FEZ1: variants seen among roughly 807,000 people sequenced by gnomAD.
FEZ1 encodes the protein fasciculation and elongation protein zeta-1.
In FEZ1, 20 loss-of-function variants were observed where a neutral mutation model predicts 49.3. The observed-to-expected ratio is 0.41, with a 90% CI of 0.29 to 0.59. The LOEUF (loss-of-function observed/expected upper bound fraction) is 0.59. Among genes scored for constraint, FEZ1 ranks in the 20% least tolerant of loss-of-function variants. The pLI, the probability that FEZ1 is intolerant of heterozygous loss-of-function variation, is 0.36. For missense variants in FEZ1, 413 were observed against 476.0 expected (o/e 0.87, Z 1.23); for synonymous variants, 170 against 180.9 (o/e 0.94, Z 0.48).
At chr11:125,455,180 C>G (rs969816500) in intron 6 of FEZ1, among the ~76,000 whole-genome samples, 2 of 150,454 alleles carry the variant, frequency 1.3e-5, no homozygotes, top group Non-Finnish European at 1.5e-5. Context: ...CACCTGAGAT[C>G]AGGAGTTTGA....
intron 3 of FEZ1, among the ~76,000 whole-genome samples, chr11:125,466,339 G>A (rs1000552938): frequency 2.6e-5 from 4 of 152,130 alleles, no homozygotes; most frequent in Middle Eastern, 3.4e-3. Context: ...AATTAGTCAG[G>A]CATGATGGCA....
At chr11:125,455,788 G>C in intron 6 of FEZ1, 47 bp downstream of exon 6, 1 of 1,602,954 alleles carries the variant, frequency 6.2e-7, no homozygotes. Flanking sequence ...AAACGGGCAG[G>C]GTTGGAGGTT....
rs1029803296 is a variant in FEZ1 at position 125,444,972 on chromosome 11, G to A, written c.*1123C>T. Among the ~76,000 whole-genome samples the A allele has an allele frequency of 1.3e-5, 2 of 152,220 alleles. No homozygotes were observed. Among genetic ancestry groups the A allele is most frequent in the African/African-American group, 4.8e-5 (2 of 41,454 alleles). ...TGCCCAGTACAAGTTTTTGCTTTCA[G>A]AGGAGGATATGGGAATTGGCAGGCT... On this transcript the variant is annotated 3_prime_UTR_variant, in exon 10 of 10. Coordinates refer to ENST00000278919, the MANE Select transcript of FEZ1 (RefSeq NM_005103.5).
At position 125,454,220 on chromosome 11, in the gene FEZ1, A is replaced by G; in HGVS notation, c.940-10T>C. On this transcript the variant is annotated splice_polypyrimidine_tract_variant and intron_variant, in intron 6 of 9. Transcript: ENST00000278919. ...CTTCCATGCTGAAGCGCTGTGGGGG[A>G]GAGAGACTCAAGAAGGGCAAATGCT... 1 of 1,610,110 alleles carries G rather than the reference A, an allele frequency of 6.2e-7. No homozygotes were observed. Among genetic ancestry groups the G allele is most frequent in the Non-Finnish European group, 8.5e-7 (1 of 1,177,214 alleles).
intron 5 of FEZ1, among the ~76,000 whole-genome samples, chr11:125,457,484 ATATATGTG>A (rs1324262261): frequency 0.19 from 10,841 of 58,322 alleles, 678 homozygotes; most frequent in East Asian, 0.34. Context: ...ATATATACAC[ATATATGTG>A]TATATATGTA....
intron 3 of FEZ1, among the ~76,000 whole-genome samples, chr11:125,475,190 A>G (rs1957219748): frequency 6.6e-6 from 1 of 151,754 alleles, no homozygotes; most frequent in African/African-American, 2.4e-5. Flanking sequence ...AGATTGCTTG[A>G]GTCCGGGAGG....
chr11:125,482,974 T>TAAAAAAAAAAAAAAAA (rs56169482), intron 2 of FEZ1, among the ~76,000 whole-genome samples: 1 of 28,758 alleles, frequency 3.5e-5, no homozygotes, highest in Non-Finnish European at 5.8e-5. Context: ...CAAGACACTG[T>TAAAAAAAAAAAAAAAA]AAAAAAAAAA....
At chr11:125,451,850 C>G (rs748788905) in intron 8 of FEZ1, among the ~76,000 whole-genome samples, 6 of 152,186 alleles carry the variant, frequency 3.9e-5, no homozygotes, top group Non-Finnish European at 7.3e-5. Context: ...GGAAGGAAAG[C>G]TGGACTCTAT....
rs992248865 is a variant in FEZ1 at position 125,445,260 on chromosome 11, T to C, written c.*835A>G. Among the ~76,000 whole-genome samples, 4 of 152,158 alleles carry C rather than the reference T, an allele frequency of 2.6e-5. No homozygotes were observed. The highest frequency in any genetic ancestry group is 9.7e-5 in the African/African-American group (4 of 41,440). ...AACAGGGAGTGGTGGTTTCGTCAAG[T>C]ACAGGAAACAAGTTGCAGTCCCCTA... is the stretch of plus-strand genomic sequence containing the variant. On this transcript the variant is annotated 3_prime_UTR_variant, in exon 10 of 10. Transcript: ENST00000278919. The surrounding 1 kb of genome is among the most constrained non-coding windows in gnomAD (Gnocchi z 4.4).
chr11:125,464,004 C>T (rs1470429815), intron 3 of FEZ1, among the ~76,000 whole-genome samples: 1 of 152,150 alleles, frequency 6.6e-6, no homozygotes, highest in African/African-American at 2.4e-5. Flanking sequence ...TCTTACTAGG[C>T]ATTTTAAGGA....
At position 125,466,109 on chromosome 11, in the gene FEZ1, G is replaced by A. The variant is rs1414303249; in HGVS notation, c.412-2539C>T. ...CGGTAGAGAGTTCCTTTAGCCCCTT[G>A]TGCAGCAGTGGGGAAGATACATGTC... On this transcript the variant is annotated intron_variant, in intron 3 of 9. Coordinates refer to ENST00000278919, the MANE Select transcript of FEZ1 (RefSeq NM_005103.5). Among the ~76,000 whole-genome samples the A allele has an allele frequency of 4.6e-5, 7 of 152,176 alleles. No individual in the cohort carries two copies. In the East Asian group the frequency reaches 1.3e-3, roughly 29 times the overall value.
intron 2 of FEZ1, among the ~76,000 whole-genome samples, chr11:125,481,913 C>G (rs1957283096): frequency 6.6e-6 from 1 of 152,194 alleles, no homozygotes; most frequent in Non-Finnish European, 1.5e-5. Flanking sequence ...CATCTATAAT[C>G]AAACTGCCTC....
intron 5 of FEZ1, among the ~76,000 whole-genome samples, chr11:125,457,755 T>A (rs1375852583): frequency 6.6e-6 from 1 of 152,024 alleles, no homozygotes; most frequent in East Asian, 1.9e-4. Context: ...CCCTAAGGCA[T>A]TTTTCCTTTA....
chr11:125,493,059 G>T (rs1303773778), intron 1 of FEZ1, among the ~76,000 whole-genome samples: 1 of 151,846 alleles, frequency 6.6e-6, no homozygotes, highest in Non-Finnish European at 1.5e-5. Flanking sequence ...GGGCACAGTG[G>T]CTCATGCCTG....
chr11:125,466,969 A>T (rs1013679738), intron 3 of FEZ1, among the ~76,000 whole-genome samples: 1 of 152,078 alleles, frequency 6.6e-6, no homozygotes, highest in Non-Finnish European at 1.5e-5. Flanking sequence ...TTAAGAGAAC[A>T]AAGATACATT....
chr11:125,493,321 C>G lies in FEZ1; in HGVS notation c.-46+2800G>C, dbSNP rs368067461. ...TGCACTCCAGCCTGGGCAACAAGAG[C>G]GAAACTCCATCTCAAGAAAGAAAGA... On this transcript the variant is annotated intron_variant, in intron 1 of 9. Coordinates refer to ENST00000278919, the MANE Select transcript of FEZ1 (RefSeq NM_005103.5). 5.6e-5 allele frequency among the ~76,000 whole-genome samples: 7 copies of G among 126,010 alleles called. No individual in the cohort carries two copies. The South Asian group carries it at 1.8e-3, about 33-fold the overall frequency. 82.7% of individuals were successfully genotyped at this position (126,010 alleles called of 152,430 possible). A position where few individuals can be genotyped will look rare whatever the true frequency, so the allele number is the denominator to read the frequency against.
At chr11:125,463,246 C>A in intron 4 of FEZ1, 1 of 248,430 alleles carries the variant, frequency 4.0e-6, no homozygotes, top group South Asian at 8.1e-5. Flanking sequence ...GCAGAGGTTG[C>A]AATGAGCCAA....
chr11:125,448,971 A>G (rs1565530098), intron 8 of FEZ1, among the ~76,000 whole-genome samples: 2 of 152,152 alleles, frequency 1.3e-5, no homozygotes, highest in South Asian at 2.1e-4. Flanking sequence ...AAACCTGCAC[A>G]TGGTGATAGA....
Position 125,489,925 on chromosome 11 carries a change from C to G in FEZ1, c.-45-103G>C, listed in dbSNP as rs1957365918. Reference sequence around the variant, plus strand: ...GCTTCCAATTCCCTACTCCAAAAAACAAGGCACTGGTTAAGTACGAAGCTC... The same window carrying G: ...GCTTCCAATTCCCTACTCCAAAAAAGAAGGCACTGGTTAAGTACGAAGCTC... On this transcript the variant is annotated intron_variant, in intron 1 of 9. Coordinates refer to ENST00000278919, the MANE Select transcript of FEZ1 (RefSeq NM_005103.5). The surrounding 1 kb of genome is among the most constrained non-coding windows in gnomAD (Gnocchi z 4.2). The G allele has an allele frequency of 6.6e-6, 7 of 1,067,520 alleles. No homozygotes were observed. The allele number at this position is 1,067,520 out of a possible 1,614,324, so 66.1% of individuals were successfully genotyped here.
Sources: gnomAD v4.1 joint callset for allele counts (sites outside exome capture counted in the v4.1 genomes callset) on GRCh38, gnomAD v4.1.1 for gene constraint, Gnocchi (gnomAD v3.1) non-coding constraint, MANE v1.5 for transcripts, NCBI Gene and HGNC (gene_info 2026-07-23, HGNC 2026-07-21) for gene names.